ZBTB43: variants seen among roughly 807,000 people sequenced by gnomAD.
The protein encoded by ZBTB43 is zinc finger and BTB domain-containing protein 43.
In ZBTB43, 6 loss-of-function variants were observed where a neutral mutation model predicts 31.1. That is an observed-to-expected ratio of 0.19 (90% CI 0.11 to 0.38). The LOEUF (loss-of-function observed/expected upper bound fraction) is 0.38. Among genes scored for constraint, ZBTB43 ranks in the 10% least tolerant of loss-of-function variants. The probability of loss-of-function intolerance (pLI) is 1.00; values close to 1 mark genes in which losing one functional copy is unlikely to be tolerated. For synonymous variants in ZBTB43, 212 were observed against 221.7 expected (o/e 0.96, Z 0.39); for missense variants, 379 against 602.1 (o/e 0.63, Z 3.88).
At chr9:126,817,824 A>G (rs2032424733) in intron 2 of ZBTB43, among the ~76,000 whole-genome samples, 1 of 152,116 alleles carries the variant, frequency 6.6e-6, no homozygotes, top group South Asian at 2.1e-4. Flanking sequence ...GACATCATCT[A>G]AATAACTGAA....
intron 2 of ZBTB43, among the ~76,000 whole-genome samples, chr9:126,810,886 G>T (rs1454626010): frequency 6.6e-6 from 1 of 151,906 alleles, no homozygotes; most frequent in African/African-American, 2.4e-5. Flanking sequence ...GATTATTTGT[G>T]AAAATGATAT....
chr9:126,828,657 T>TA (rs1564206300), intron 2 of ZBTB43, among the ~76,000 whole-genome samples: 160 of 140,276 alleles, frequency 1.1e-3, no homozygotes, highest in Middle Eastern at 3.7e-3. Flanking sequence ...TAATAATAAT[T>TA]ATTATTATTA....
intron 2 of ZBTB43, among the ~76,000 whole-genome samples, chr9:126,823,419 A>G (rs1212778855): frequency 6.6e-6 from 1 of 152,140 alleles, no homozygotes; most frequent in Non-Finnish European, 1.5e-5. Context: ...TAATATAGCC[A>G]TCTCAGGCCA....
intron 2 of ZBTB43, among the ~76,000 whole-genome samples, chr9:126,824,269 C>T (rs944085719): frequency 6.6e-6 from 1 of 152,238 alleles, no homozygotes; most frequent in Non-Finnish European, 1.5e-5. Context: ...AAATGATCCA[C>T]CTGCCTTGGC....
intron 2 of ZBTB43, among the ~76,000 whole-genome samples, chr9:126,821,210 A>AAT (rs2032501950): frequency 1.3e-5 from 2 of 151,898 alleles, no homozygotes; most frequent in East Asian, 3.9e-4. Flanking sequence ...CTCTACTAAA[A>AAT]ATATATATAA....
At chr9:126,824,351 A>G (rs1258131187) in intron 2 of ZBTB43, among the ~76,000 whole-genome samples, 1 of 152,220 alleles carries the variant, frequency 6.6e-6, no homozygotes, top group Non-Finnish European at 1.5e-5. Flanking sequence ...TTACATAAGT[A>G]GTTAACCTTT....
chr9:126,816,543 C>G (rs2032390156), intron 2 of ZBTB43, among the ~76,000 whole-genome samples: 1 of 152,090 alleles, frequency 6.6e-6, no homozygotes, highest in Non-Finnish European at 1.5e-5. Flanking sequence ...ATCCACAGAC[C>G]TGTGTTGGTT....
At chr9:126,810,873 A>T (rs1016586222) in intron 2 of ZBTB43, among the ~76,000 whole-genome samples, 1 of 152,026 alleles carries the variant, frequency 6.6e-6, no homozygotes, top group Non-Finnish European at 1.5e-5. Context: ...ATAAAATTAT[A>T]TAGATTATTT....
At chr9:126,815,473 G>A (rs1316471663) in intron 2 of ZBTB43, among the ~76,000 whole-genome samples, 1 of 150,648 alleles carries the variant, frequency 6.6e-6, no homozygotes, top group Non-Finnish European at 1.5e-5. Context: ...ACAGCTCACT[G>A]ATACTCTATT....
chr9:126,821,733 C>G (rs557454525), intron 2 of ZBTB43, among the ~76,000 whole-genome samples: 1 of 152,170 alleles, frequency 6.6e-6, no homozygotes, highest in Non-Finnish European at 1.5e-5. Context: ...ATGGTGTGAA[C>G]ATTATTGACA....
At chr9:126,824,115 C>G (rs1459952189) in intron 2 of ZBTB43, among the ~76,000 whole-genome samples, 2 of 152,254 alleles carry the variant, frequency 1.3e-5, no homozygotes, top group African/African-American at 2.4e-5. Context: ...CAACCTCAAC[C>G]TCCTGGGTTC....
At chr9:126,811,335 A>G (rs1008453615) in intron 2 of ZBTB43, among the ~76,000 whole-genome samples, 1 of 151,978 alleles carries the variant, frequency 6.6e-6, no homozygotes, top group African/African-American at 2.4e-5. Flanking sequence ...CTTACCAGTT[A>G]TATGACCTTA....
chr9:126,808,126 G>A (rs1268313723), intron 1 of ZBTB43, among the ~76,000 whole-genome samples: 1 of 152,144 alleles, frequency 6.6e-6, no homozygotes, highest in Non-Finnish European at 1.5e-5. Flanking sequence ...ATGCACGTGA[G>A]GGTACAGTTA....
rs1411171483 is a variant in ZBTB43 at position 126,835,307 on chromosome 9, A to G, written c.*1394A>G. 6.0e-6 allele frequency: 1 copy of G among 167,118 alleles called. No homozygotes were observed. Among genetic ancestry groups the G allele is most frequent in the East Asian group, 1.9e-4 (1 of 5,208 alleles). The allele number at this position is 167,118 out of a possible 1,614,324, so 10.4% of individuals were successfully genotyped here. ...GTTAGATGATTTAGGTTAAAAAGAAAGGTAATATTGCACATGCTTTTAAGC... is the reference window on the plus strand; with the variant it reads ...GTTAGATGATTTAGGTTAAAAAGAAGGGTAATATTGCACATGCTTTTAAGC... On this transcript the variant is annotated 3_prime_UTR_variant, in exon 3 of 3. Coordinates refer to ENST00000373464, the MANE Select transcript of ZBTB43 (RefSeq NM_014007.4).
chr9:126,807,880 C>G (rs1159461981), intron 1 of ZBTB43, among the ~76,000 whole-genome samples: 1 of 152,202 alleles, frequency 6.6e-6, no homozygotes, highest in African/African-American at 2.4e-5. Context: ...AAATGATCCA[C>G]CTGCCTTGGC....
At position 126,810,495 on chromosome 9, in the gene ZBTB43, CT is replaced by C. The variant is rs1163411798; in HGVS notation, c.-24+1604del. Among the ~76,000 whole-genome samples, 1,154 of 73,306 alleles carry C rather than the reference CT, an allele frequency of 0.016. 55 individuals are homozygous for C. The East Asian group carries it at 0.31, about 20-fold the overall frequency. 48.1% of individuals were successfully genotyped at this position (73,306 alleles called of 152,430 possible). ...GGCATGAGCCACTGTGCCCAGCCGT[CT>C]TTTTTTTTTTTTTTTTTTTTTTTGA... On this transcript the variant is annotated intron_variant, in intron 2 of 2. Transcript: ENST00000373464.
intron 2 of ZBTB43, among the ~76,000 whole-genome samples, chr9:126,815,735 A>C (rs1289562989): frequency 6.6e-6 from 1 of 151,144 alleles, no homozygotes; most frequent in African/African-American, 2.4e-5. Context: ...AAAATATAGA[A>C]TATAGAATTG....
At position 126,834,099 on chromosome 9, in the gene ZBTB43, T is replaced by G; in HGVS notation, c.*186T>G. On this transcript the variant is annotated 3_prime_UTR_variant, in exon 3 of 3. Transcript: ENST00000373464. ...AAATCTAATTCCTCAAATTTGTGTGTTCCAGTCCTGGCCTGGAATGGGTAA... is the reference window on the plus strand; with the variant it reads ...AAATCTAATTCCTCAAATTTGTGTGGTCCAGTCCTGGCCTGGAATGGGTAA... 1 of 657,116 alleles carries G rather than the reference T, an allele frequency of 1.5e-6. No individual in the cohort carries two copies. Among genetic ancestry groups the G allele is most frequent in the Non-Finnish European group, 2.4e-6 (1 of 418,134 alleles). The allele number at this position is 657,116 out of a possible 1,614,324, so 40.7% of individuals were successfully genotyped here.
chr9:126,814,794 AAAAGAAAG>A (rs531013487), intron 2 of ZBTB43, among the ~76,000 whole-genome samples: 6 of 152,100 alleles, frequency 3.9e-5, no homozygotes, highest in African/African-American at 1.2e-4. Context: ...CTCTGTCTAA[AAAAGAAAG>A]AAAGAAAGAA....
Sources: gnomAD v4.1 joint callset for allele counts (sites outside exome capture counted in the v4.1 genomes callset) on GRCh38, gnomAD v4.1.1 for gene constraint, MANE v1.5 for transcripts, NCBI Gene and HGNC (gene_info 2026-07-23, HGNC 2026-07-21) for gene names.